SEC23A: variants seen among roughly 807,000 people sequenced by gnomAD.
SEC23A encodes SEC23 homolog A, COPII component, also known as protein transport protein Sec23A.
In SEC23A, 56 loss-of-function variants were observed where a neutral mutation model predicts 103.7. That is an observed-to-expected ratio of 0.54 (90% CI 0.44 to 0.67). The LOEUF (loss-of-function observed/expected upper bound fraction) is 0.67, where lower values mean the gene tolerates loss of function less well. Among genes scored for constraint, SEC23A ranks in the 30% least tolerant of loss-of-function variants. The probability of loss-of-function intolerance (pLI) is 0.00; values close to 1 mark genes in which losing one functional copy is unlikely to be tolerated. For synonymous variants in SEC23A, 281 were observed against 293.0 expected (o/e 0.96, Z 0.42); for missense variants, 784 against 936.4 (o/e 0.84, Z 2.12).
intron 7 of SEC23A, among the ~76,000 whole-genome samples, chr14:39,083,594 G>A (rs993567477): frequency 6.1e-5 from 5 of 81,336 alleles, no homozygotes; most frequent in East Asian, 4.3e-4. Flanking sequence ...ATGGAGTCTC[G>A]CTCTGTCACC....
chr14:39,073,218 T>C (rs1157113980), intron 9 of SEC23A, among the ~76,000 whole-genome samples: 3 of 152,158 alleles, frequency 2.0e-5, no homozygotes, highest in African/African-American at 7.2e-5. Context: ...AAATAAAATA[T>C]TAGTACATTC....
intron 9 of SEC23A, 54 bp from the exon 10 acceptor site, chr14:39,067,350 T>C (rs988932158): frequency 3.1e-6 from 5 of 1,602,178 alleles, no homozygotes; most frequent in Admixed American, 1.7e-5. Context: ...TGAGTCCGTG[T>C]GTTAAAATCG....
At chr14:39,047,012 A>C (rs1388965557) in intron 15 of SEC23A, among the ~76,000 whole-genome samples, 1 of 152,178 alleles carries the variant, frequency 6.6e-6, no homozygotes, top group African/African-American at 2.4e-5. Flanking sequence ...TGCATCCCTT[A>C]CTACTTCAGT....
chr14:39,049,572 T>G (rs1329489869), intron 14 of SEC23A, among the ~76,000 whole-genome samples: 2 of 151,068 alleles, frequency 1.3e-5, no homozygotes, highest in Non-Finnish European at 2.9e-5. Flanking sequence ...AGCCCAGGAG[T>G]TTGAGACCAG....
chr14:39,041,409 C>CAAAAAAAAAAAAAAAAAAAAAAAAAAG (rs56911438), intron 17 of SEC23A: 1 of 14,638 alleles, frequency 6.8e-5, no homozygotes, highest in African/African-American at 2.2e-4. Context: ...AAAGAAAAAG[C>CAAAAAAAAAAAAAAAAAAAAAAAAAAG]AAAAAAAAAA....
intron 15 of SEC23A, 132 bp downstream of exon 15, chr14:39,048,520 A>T: frequency 1.5e-6 from 1 of 652,882 alleles, no homozygotes; most frequent in South Asian, 1.7e-5. Context: ...AGGCTGACTA[A>T]GCCCCGGAGT....
At chr14:39,101,622 CAAA>C (rs575911630) in intron 1 of SEC23A, among the ~76,000 whole-genome samples, 1,246 of 89,102 alleles carry the variant, frequency 0.014, 21 homozygotes, top group African/African-American at 0.044. Context: ...GACTCCGTCT[CAAA>C]AAAAAAAAAA....
chr14:39,052,415 C>G (rs1024329333), intron 14 of SEC23A, among the ~76,000 whole-genome samples: 1 of 152,026 alleles, frequency 6.6e-6, no homozygotes, highest in African/African-American at 2.4e-5. Flanking sequence ...CCTGATAATT[C>G]TGAAGAATTA....
intron 7 of SEC23A, 115 bp downstream of exon 7, chr14:39,085,647 G>GA (rs1406458433): frequency 7.6e-7 from 1 of 1,319,108 alleles, no homozygotes. Flanking sequence ...GAATAGGGAG[G>GA]AAAAAAAGCA....
chr14:39,091,752 T>A, intron 4 of SEC23A, 39 bp from the exon 5 acceptor site: 2 of 1,343,640 alleles, frequency 1.5e-6, no homozygotes, highest in Non-Finnish European at 2.1e-6. Context: ...ATATGTAGTT[T>A]AAAGCACAGC....
intron 16 of SEC23A, among the ~76,000 whole-genome samples, chr14:39,044,110 A>G (rs867070236): frequency 3.9e-5 from 6 of 152,172 alleles, no homozygotes; most frequent in Middle Eastern, 3.2e-3. Flanking sequence ...AAGTAATTAT[A>G]TAGAACAGAA....
At chr14:39,100,649 G>C (rs1327451057) in intron 1 of SEC23A, among the ~76,000 whole-genome samples, 2 of 151,968 alleles carry the variant, frequency 1.3e-5, no homozygotes, top group African/African-American at 4.8e-5. Context: ...CCAACCTCAG[G>C]TGATCCACCC....
chr14:39,051,664 A>G (rs531896336), intron 14 of SEC23A, among the ~76,000 whole-genome samples: 2 of 152,286 alleles, frequency 1.3e-5, no homozygotes, highest in South Asian at 4.1e-4. Context: ...CTATGCAGCC[A>G]TAAGAAGGAA....
chr14:39,092,362 C>T (rs1887691646), intron 4 of SEC23A, among the ~76,000 whole-genome samples, 179 bp downstream of exon 4: 1 of 152,178 alleles, frequency 6.6e-6, no homozygotes, highest in Non-Finnish European at 1.5e-5. Flanking sequence ...GGCCACCCAT[C>T]AAATAAGTAC....
chr14:39,057,997 G>C (rs1473449383), intron 13 of SEC23A, among the ~76,000 whole-genome samples: 1 of 152,140 alleles, frequency 6.6e-6, no homozygotes, highest in Non-Finnish European at 1.5e-5. Context: ...TTCAGTCTAA[G>C]GGATTAATTT....
intron 6 of SEC23A, among the ~76,000 whole-genome samples, chr14:39,086,168 T>G (rs538032423): frequency 6.6e-6 from 1 of 152,232 alleles, no homozygotes; most frequent in South Asian, 2.1e-4. Context: ...AGGTGACACG[T>G]GATGATAACA....
At chr14:39,057,508 G>C (rs1886290302) in intron 13 of SEC23A, among the ~76,000 whole-genome samples, 2 of 152,018 alleles carry the variant, frequency 1.3e-5, no homozygotes, top group African/African-American at 2.4e-5. Flanking sequence ...AGGACTACAG[G>C]CACGGACCAC....
chr14:39,072,981 T>C (rs576123885), intron 9 of SEC23A, among the ~76,000 whole-genome samples: 11 of 152,296 alleles, frequency 7.2e-5, no homozygotes, highest in African/African-American at 2.6e-4. Flanking sequence ...GCAACAATTC[T>C]GCTCCTAGAT....
Position 39,067,334 on chromosome 14 carries a change from A to G in SEC23A, c.1104-38T>C, listed in dbSNP as rs528027786. 28 of 1,610,666 alleles carry G rather than the reference A, an allele frequency of 1.7e-5. No individual in the cohort carries two copies. The South Asian group carries it at 2.7e-4, about 16-fold the overall frequency. ...AACAAAAAAACAACATACTTGACAC[A>G]GTTACTGAGTCCGTGTGTTAAAATC... On this transcript the variant is annotated intron_variant, in intron 9 of 19. Transcript: ENST00000307712.
Sources: gnomAD v4.1 joint callset for allele counts (sites outside exome capture counted in the v4.1 genomes callset) on GRCh38, gnomAD v4.1.1 for gene constraint, MANE v1.5 for transcripts, NCBI Gene and HGNC (gene_info 2026-07-23, HGNC 2026-07-21) for gene names.